AMOTL1: variants seen among roughly 807,000 people sequenced by gnomAD.
AMOTL1 encodes the protein angiomotin-like protein 1.
AMOTL1 carries 45 observed loss-of-function variants against 102.9 expected under a neutral mutation model. That is an observed-to-expected ratio of 0.44 (90% CI 0.34 to 0.56). The LOEUF is 0.56. Among genes scored for constraint, AMOTL1 ranks in the 20% least tolerant of loss-of-function variants. AMOTL1 has a pLI of 0.01. For missense variants in AMOTL1, 1,114 were observed against 1,225.6 expected, an observed-to-expected ratio of 0.91 and a Z score of 1.36; for synonymous variants, 481 against 484.7, an observed-to-expected ratio of 0.99 and a Z score of 0.10.
upstream of AMOTL1, among the ~76,000 whole-genome samples, chr11:94,766,817 G>A (rs1364886835): frequency 6.6e-6 from 1 of 152,224 alleles, no homozygotes; most frequent in Admixed American, 6.5e-5. Context: ...CATCCGGCAA[G>A]TGAAAGGTTT....
intron 2 of AMOTL1, among the ~76,000 whole-genome samples, chr11:94,731,678 T>C (rs181989656): frequency 3.3e-5 from 5 of 152,286 alleles, no homozygotes; most frequent in Non-Finnish European, 7.4e-5. Context: ...ACAGCTTTAT[T>C]CTGAGTTCAT....
intron 4 of AMOTL1, 92 bp downstream of exon 4, chr11:94,821,913 A>G: frequency 1.3e-6 from 2 of 1,507,378 alleles, no homozygotes; most frequent in South Asian, 1.3e-5. Context: ...ACATTGCAGT[A>G]GACCCCTTTT....
At chr11:94,867,864 T>C (rs1279822396) in intron 11 of AMOTL1, among the ~76,000 whole-genome samples, 3 of 152,204 alleles carry the variant, frequency 2.0e-5, no homozygotes, top group African/African-American at 7.2e-5. Context: ...GGACTCCAAG[T>C]CAGGCACAGT....
intron 3 of AMOTL1, among the ~76,000 whole-genome samples, chr11:94,806,005 A>G (rs1170770479): frequency 1.3e-5 from 2 of 152,084 alleles, no homozygotes; most frequent in African/African-American, 2.4e-5. Flanking sequence ...CCAAATCACT[A>G]TTTTCCTTTA....
chr11:94,780,678 A>C (rs1023758219), intron 1 of AMOTL1, among the ~76,000 whole-genome samples: 1 of 152,152 alleles, frequency 6.6e-6, no homozygotes, highest in South Asian at 2.1e-4. Context: ...AGCACTTCCT[A>C]TGTGCTTGGA....
intron 6 of AMOTL1, among the ~76,000 whole-genome samples, chr11:94,843,063 A>G (rs1048469968): frequency 4.6e-5 from 7 of 152,342 alleles, no homozygotes; most frequent in Admixed American, 4.6e-4. Context: ...ACCAGAGCTC[A>G]GGGACAGCAG....
In AMOTL1 at chr11:94,866,046, G is replaced by A. The variant is rs772651219; in HGVS notation, c.2366G>A (p.Arg789His). 4.0e-5 allele frequency: 65 copies of A among 1,613,796 alleles called. No homozygotes were observed. Among genetic ancestry groups the A allele is most frequent in the East Asian group, 2.7e-4 (12 of 44,884 alleles). Reference sequence around the variant, plus strand: ...GGGAAGACAGACTCCTCCAGCCTACGTCCTGCCCGCTCCGTTCCATCCATA... The same window carrying A: ...GGGAAGACAGACTCCTCCAGCCTACATCCTGCCCGCTCCGTTCCATCCATA... The part of the protein sequence containing the change: ...DAGKTDSSSL[R>H]PARSVPSIAA... The change falls in exon 11 of 13, where the codon CGT becomes CAT. Residue 789 changes from arginine (R) to histidine (H), a missense_variant. Transcript: ENST00000433060.
intron 2 of AMOTL1, among the ~76,000 whole-genome samples, chr11:94,798,996 G>A (rs914911979): frequency 5.9e-5 from 9 of 152,164 alleles, no homozygotes; most frequent in South Asian, 4.2e-4. Flanking sequence ...ATACAGGGTG[G>A]TAGTTAGAGG....
intron 4 of AMOTL1, among the ~76,000 whole-genome samples, chr11:94,827,591 C>T (rs562295593): frequency 3.3e-5 from 5 of 152,298 alleles, no homozygotes; most frequent in East Asian, 1.9e-4. Context: ...GCATTACCAG[C>T]GGTTCATGAT....
At position 94,803,141 on chromosome 11, in the gene AMOTL1, G is replaced by A. The variant is rs576070566; in HGVS notation, c.1121+2830G>A. Among the ~76,000 whole-genome samples the A allele has an allele frequency of 8.5e-4, 130 of 152,308 alleles. 1 individual carries two copies. The highest frequency in any genetic ancestry group is 3.0e-3 in the African/African-American group (126 of 41,556). On this transcript the variant is annotated intron_variant, in intron 3 of 12. Coordinates refer to ENST00000433060, the MANE Select transcript of AMOTL1 (RefSeq NM_130847.3). ...GTTTGGTCCAACCCATTACATTGTT[G>A]AGACTTCACTCCTTTTTGCCTAGAG...
At chr11:94,812,350 G>T (rs1454623224) in intron 3 of AMOTL1, among the ~76,000 whole-genome samples, 2 of 152,216 alleles carry the variant, frequency 1.3e-5, no homozygotes, top group East Asian at 3.9e-4. Flanking sequence ...TGGGGGAGGG[G>T]GCTTCCACAT....
intron 1 of AMOTL1, among the ~76,000 whole-genome samples, chr11:94,721,577 T>C (rs1319742991): frequency 6.6e-6 from 1 of 152,076 alleles, no homozygotes; most frequent in African/African-American, 2.4e-5. Flanking sequence ...TCCAGAGTGC[T>C]CTGTCTTTCC....
chr11:94,734,248 A>C (rs1223821189), intron 2 of AMOTL1, among the ~76,000 whole-genome samples: 1 of 152,156 alleles, frequency 6.6e-6, no homozygotes, highest in South Asian at 2.1e-4. Flanking sequence ...TTTAGGTGAG[A>C]TATGGTTAAT....
intron 3 of AMOTL1, among the ~76,000 whole-genome samples, chr11:94,752,075 T>C (rs1390286871): frequency 1.3e-5 from 2 of 152,200 alleles, no homozygotes; most frequent in East Asian, 3.8e-4. Flanking sequence ...ATCCTGTTTG[T>C]TTTTTATTAC....
chr11:94,754,515 T>C (rs1031415369), intron 3 of AMOTL1, among the ~76,000 whole-genome samples: 7 of 152,196 alleles, frequency 4.6e-5, no homozygotes, highest in African/African-American at 1.4e-4. Context: ...CCTCACAGTG[T>C]CTGTTTTGCT....
chr11:94,772,430 A>G (rs1950966643), intron 1 of AMOTL1, among the ~76,000 whole-genome samples: 1 of 152,168 alleles, frequency 6.6e-6, no homozygotes, highest in South Asian at 2.1e-4. Context: ...CACCATATCT[A>G]TAATTTTATC....
upstream of AMOTL1, chr11:94,768,334 G>C (rs557308098): frequency 3.6e-4 from 497 of 1,369,576 alleles, no homozygotes; most frequent in African/African-American, 6.9e-3. Context: ...CGCGGGGAGC[G>C]GGGAGCGCGG....
At chr11:94,862,695 T>C (rs1952798801) in intron 9 of AMOTL1, among the ~76,000 whole-genome samples, 1 of 152,248 alleles carries the variant, frequency 6.6e-6, no homozygotes, top group Non-Finnish European at 1.5e-5. Context: ...TACTTGGCAA[T>C]GTAAACATGA....
intron 3 of AMOTL1, among the ~76,000 whole-genome samples, chr11:94,741,979 C>T (rs1950533949): frequency 6.6e-6 from 1 of 152,188 alleles, no homozygotes; most frequent in Non-Finnish European, 1.5e-5. Flanking sequence ...GGAAGAATGT[C>T]CTCATCAAGT....
Sources: allele counts gnomAD v4.1 joint callset (sites outside exome capture counted in the v4.1 genomes callset), GRCh38; gene constraint gnomAD v4.1.1; transcripts MANE v1.5; gene names NCBI Gene and HGNC (gene_info 2026-07-23, HGNC 2026-07-21).